DCTD: variants seen among roughly 807,000 people sequenced by gnomAD.
DCTD encodes dCMP deaminase.
In DCTD, 23 loss-of-function variants were observed where a neutral mutation model predicts 21.0. The ratio of observed to expected loss-of-function variants is 1.09; its 90% CI spans 0.79 to 1.55. The LOEUF (loss-of-function observed/expected upper bound fraction) is 1.55, where lower values mean the gene tolerates loss of function less well. Ranked by LOEUF, DCTD falls within the 40% of genes most tolerant of loss-of-function variation. The probability of loss-of-function intolerance (pLI) is 0.00; values close to 1 mark genes in which losing one functional copy is unlikely to be tolerated. For missense variants in DCTD, 224 were observed against 230.0 expected (o/e 0.97, Z 0.17); for synonymous variants, 71 against 81.1 (o/e 0.88, Z 0.67).
At chr4:182,916,739 AG>A in intron 1 of DCTD, 1 of 1,093,980 alleles carries the variant, frequency 9.1e-7, no homozygotes, top group Non-Finnish European at 1.1e-6. Context: ...AATAGGAGGG[AG>A]GGGGAGCCAT....
At chr4:182,891,957 C>CTTTT (rs5864809) in intron 5 of DCTD, among the ~76,000 whole-genome samples, 4 of 130,956 alleles carry the variant, frequency 3.1e-5, no homozygotes, top group Non-Finnish European at 4.8e-5. Context: ...CATAAACCAA[C>CTTTT]TTTTTTTTTT....
intron 3 of DCTD, among the ~76,000 whole-genome samples, chr4:182,896,933 C>G (rs1039000042): frequency 1.3e-5 from 2 of 152,064 alleles, no homozygotes; most frequent in African/African-American, 4.8e-5. Flanking sequence ...CTCTTAAATT[C>G]AAATATCAGA....
chr4:182,901,791 A>AC (rs1266416431), intron 3 of DCTD, among the ~76,000 whole-genome samples: 3 of 152,106 alleles, frequency 2.0e-5, no homozygotes, highest in African/African-American at 7.2e-5. Context: ...AAAAAAAAAA[A>AC]AAACTCAGTA....
chr4:182,895,657 C>T (rs1734605589), intron 3 of DCTD, among the ~76,000 whole-genome samples: 1 of 152,200 alleles, frequency 6.6e-6, no homozygotes, highest in Admixed American at 6.5e-5. Context: ...ACTCCCTCAT[C>T]CTGCCCAGGA....
At chr4:182,915,740 TC>T in intron 1 of DCTD, 165 bp from the exon 2 acceptor site, 1 of 734,652 alleles carries the variant, frequency 1.4e-6, no homozygotes, top group East Asian at 2.8e-5. Context: ...CAGTCTCTGG[TC>T]TTAAGTAAAA....
intron 3 of DCTD, among the ~76,000 whole-genome samples, chr4:182,897,041 G>A (rs955609927): frequency 2.6e-5 from 4 of 152,104 alleles, no homozygotes; most frequent in South Asian, 2.1e-4. Flanking sequence ...CTATGATAGC[G>A]TCCTCTAAGA....
At chr4:182,908,852 C>A (rs1737205312) in intron 3 of DCTD, among the ~76,000 whole-genome samples, 1 of 152,196 alleles carries the variant, frequency 6.6e-6, no homozygotes, top group East Asian at 1.9e-4. Flanking sequence ...TTCAACAAAC[C>A]TTTTATCTTG....
chr4:182,917,449 G>C (rs1468608813), upstream of DCTD: 6 of 766,202 alleles, frequency 7.8e-6, no homozygotes, highest in Admixed American at 5.9e-5. The surrounding 1 kb of genome is among the most constrained non-coding windows in gnomAD (Gnocchi z 4.9). Context: ...TTCGCAGGAC[G>C]GCGGCTGGCC....
rs1401403033 is a variant in DCTD at position 182,915,505 on chromosome 4, C to G, written c.64G>C (p.Val22Leu). 6.2e-7 allele frequency: 1 copy of G among 1,613,688 alleles called. No homozygotes were observed. The highest frequency in any genetic ancestry group is 2.2e-5 in the East Asian group (1 of 44,878). Residue 22 changes from valine to leucine, a missense_variant, in exon 2 of 6, where the codon GTG becomes CTG. Coordinates refer to ENST00000438320, the MANE Select transcript of DCTD (RefSeq NM_001921.3). ...CTTCTCTGTGCTGATAAGAAGGCCACAGCCATAAAATACTCTGGCCATTCC... is the reference window on the plus strand; with the variant it reads ...CTTCTCTGTGCTGATAAGAAGGCCAGAGCCATAAAATACTCTGGCCATTCC... ...YLEWPEYFMAVAFLSAQRSKD... is the reference protein window; with the variant it reads ...YLEWPEYFMALAFLSAQRSKD...
At chr4:182,902,394 T>C (rs571319926) in intron 3 of DCTD, among the ~76,000 whole-genome samples, 1 of 152,196 alleles carries the variant, frequency 6.6e-6, no homozygotes, top group South Asian at 2.1e-4. Flanking sequence ...TTCAAATGAT[T>C]TGAAATAAAG....
At chr4:182,893,698 G>A (rs1171959358) in intron 4 of DCTD, among the ~76,000 whole-genome samples, 7 of 152,378 alleles carry the variant, frequency 4.6e-5, no homozygotes, top group South Asian at 4.1e-4. Context: ...TGTGGGGCCC[G>A]GACTGCTCGG....
chr4:182,914,925 T>A lies in DCTD; in HGVS notation c.242A>T (p.Tyr81Phe), dbSNP rs1215334241. 1 of 1,614,114 alleles carries A rather than the reference T, an allele frequency of 6.2e-7. No homozygotes were observed. The highest frequency in any genetic ancestry group is 1.3e-5 in the African/African-American group (1 of 74,944). ...ATGGGACATAAAACTTGCCCTACCG[T>A]ACGGGTATTTGGTGTCCAGCTTATT... ...AENKLDTKYP[Y>F]VCHAELNAIM... Residue 81 changes from tyrosine to phenylalanine, a missense_variant and splice_region_variant, in exon 3 of 6, where the codon TAC becomes TTC. Coordinates refer to ENST00000438320, the MANE Select transcript of DCTD (RefSeq NM_001921.3).
chr4:182,910,434 G>C (rs1351093246), intron 3 of DCTD, among the ~76,000 whole-genome samples: 1 of 152,104 alleles, frequency 6.6e-6, no homozygotes, highest in Non-Finnish European at 1.5e-5. Flanking sequence ...GATAACATTG[G>C]TATTTTGATT....
chr4:182,902,205 C>T lies in DCTD; in HGVS notation c.245-7600G>A, dbSNP rs76045918. On this transcript the variant is annotated intron_variant, in intron 3 of 5. Coordinates refer to ENST00000438320, the MANE Select transcript of DCTD (RefSeq NM_001921.3). ...GAATAGCCGCGACAGTTAAGCCCCC[C>T]ACAACCCCCACCAAGTACACTCTCC... Among the ~76,000 whole-genome samples the T allele has an allele frequency of 9.8e-3, 1,487 of 152,288 alleles. 34 individuals carry two copies. The highest frequency in any genetic ancestry group is 0.034 in the African/African-American group (1,396 of 41,558).
rs7662393 is a variant in DCTD, at chr4:182,890,782, T to C, written c.*617A>G. The C allele has an allele frequency of 0.014, 2,184 of 152,446 alleles. 48 individuals are homozygous for C. Among genetic ancestry groups the C allele is most frequent in the African/African-American group, 0.05 (2,064 of 41,566 alleles). The allele number at this position is 152,446 out of a possible 1,614,324, so 9.4% of individuals were successfully genotyped here. A position where few individuals can be genotyped will look rare whatever the true frequency, so the allele number is the denominator to read the frequency against. ...CCTGTGTGCAGTGGGAGAGCAGGAATGGAGGAAATATTCCTGGTTCAGTTA... is the reference window on the plus strand; with the variant it reads ...CCTGTGTGCAGTGGGAGAGCAGGAACGGAGGAAATATTCCTGGTTCAGTTA... On this transcript the variant is annotated 3_prime_UTR_variant, in exon 6 of 6. Transcript: ENST00000438320.
At chr4:182,899,399 C>CTTTTTTTTTTTT (rs548073020) in intron 3 of DCTD, among the ~76,000 whole-genome samples, 4 of 144,372 alleles carry the variant, frequency 2.8e-5, no homozygotes, top group East Asian at 2.0e-4. Context: ...CCTTTTTTTT[C>CTTTTTTTTTTTT]TTTTTCTTTT....
At chr4:182,899,535 G>C (rs1735349924) in intron 3 of DCTD, among the ~76,000 whole-genome samples, 1 of 151,894 alleles carries the variant, frequency 6.6e-6, no homozygotes. Context: ...CGAGTAGCTG[G>C]GATTACAGGC....
At chr4:182,906,991 GAATA>G (rs1475088783) in intron 3 of DCTD, among the ~76,000 whole-genome samples, 2 of 152,174 alleles carry the variant, frequency 1.3e-5, no homozygotes, top group Non-Finnish European at 2.9e-5. Context: ...ATCTCTGTTT[GAATA>G]AATATTGTCA....
chr4:182,895,142 T>A (rs1046695457), intron 3 of DCTD, among the ~76,000 whole-genome samples: 1 of 152,142 alleles, frequency 6.6e-6, no homozygotes, highest in Non-Finnish European at 1.5e-5. Context: ...CATGATCATA[T>A]CTCACTGCAG....
Sources: gnomAD v4.1 joint callset for allele counts (sites outside exome capture counted in the v4.1 genomes callset) on GRCh38, gnomAD v4.1.1 for gene constraint, Gnocchi (gnomAD v3.1) non-coding constraint, MANE v1.5 for transcripts, NCBI Gene and HGNC (gene_info 2026-07-23, HGNC 2026-07-21) for gene names.